The following RPLP2 variants were observed in gnomAD, a reference collection of about 807,000 sequenced individuals.
RPLP2 encodes the protein ribosomal protein lateral stalk subunit P2, also known as large ribosomal subunit protein P2.
A neutral mutation model predicts 11.5 loss-of-function variants in RPLP2; 1 was observed. The ratio of observed to expected loss-of-function variants is 0.09; its 90% CI spans 0.03 to 0.41. The LOEUF (loss-of-function observed/expected upper bound fraction) is 0.41, where lower values mean the gene tolerates loss of function less well. Ranked by LOEUF, RPLP2 falls within the 10% of genes least tolerant of loss-of-function variation. The pLI is 0.98. For missense variants in RPLP2, 177 were observed against 145.6 expected (o/e 1.22, Z -1.11); for synonymous variants, 82 against 55.9 (o/e 1.47, Z -2.08).
intron 1 of RPLP2, 67 bp from the exon 2 acceptor site, chr11:810,167 C>T: frequency 7.1e-7 from 1 of 1,399,722 alleles, no homozygotes; most frequent in Middle Eastern, 2.7e-4. Flanking sequence ...CGCCCGGCGG[C>T]CCCGGGATGG....
intron 4 of RPLP2, 52 bp from the exon 5 acceptor site, chr11:812,708 G>A: frequency 6.2e-7 from 1 of 1,613,174 alleles, no homozygotes; most frequent in Non-Finnish European, 8.5e-7. Flanking sequence ...TTCATGGGGG[G>A]ACTGGCCTGG....
intron 2 of RPLP2, 177 bp downstream of exon 2, chr11:810,534 C>T (rs949693444): frequency 3.6e-6 from 2 of 549,542 alleles, no homozygotes; most frequent in Non-Finnish European, 6.2e-6. Context: ...TGGCTCACGC[C>T]TGTAGTCCCA....
intron 1 of RPLP2, 44 bp from the exon 2 acceptor site, chr11:810,190 C>T: frequency 6.9e-7 from 1 of 1,453,384 alleles, no homozygotes; most frequent in Non-Finnish European, 9.1e-7. Context: ...CGGCAGGAGG[C>T]CGCCGGGGTA....
intron 2 of RPLP2, 46 bp downstream of exon 2, chr11:810,403 C>A: frequency 6.3e-7 from 1 of 1,575,364 alleles, no homozygotes; most frequent in Admixed American, 1.7e-5. Context: ...CCCCAGTGTC[C>A]CATACAGGCG....
intron 2 of RPLP2, among the ~76,000 whole-genome samples, chr11:810,958 C>A (rs1159972396): frequency 1.4e-5 from 2 of 147,200 alleles, no homozygotes; most frequent in Non-Finnish European, 3.0e-5. Context: ...ATTATTGGAG[C>A]CTTGAAGTTC....
intron 2 of RPLP2, chr11:811,327 G>A (rs1246363246): frequency 1.2e-5 from 6 of 515,694 alleles, no homozygotes; most frequent in Non-Finnish European, 2.1e-5. Context: ...AGTTTATTTT[G>A]CCAGTGTTGA....
At chr11:811,290 C>T (rs948062066) in intron 2 of RPLP2, 2 of 432,464 alleles carry the variant, frequency 4.6e-6, no homozygotes, top group Middle Eastern at 6.8e-4. Context: ...TGCACTCCAG[C>T]CTGAAGTCAA....
At chr11:812,247 A>T in intron 3 of RPLP2, 1 of 490,802 alleles carries the variant, frequency 2.0e-6, no homozygotes, top group South Asian at 2.1e-5. Context: ...AGTTATGAAC[A>T]TGTCTGTCCA....
At chr11:811,218 C>A (rs1866044354) in intron 2 of RPLP2, among the ~76,000 whole-genome samples, 1 of 152,060 alleles carries the variant, frequency 6.6e-6, no homozygotes, top group Non-Finnish European at 1.5e-5. Context: ...CCTGTAGTCC[C>A]AGACTGAGGT....
At chr11:811,015 A>G (rs1866028013) in intron 2 of RPLP2, among the ~76,000 whole-genome samples, 1 of 151,788 alleles carries the variant, frequency 6.6e-6, no homozygotes, top group East Asian at 1.9e-4. Flanking sequence ...CACAAAAAAA[A>G]AAAAAAAAAA....
intron 2 of RPLP2, among the ~76,000 whole-genome samples, chr11:811,136 C>T (rs1046924744): frequency 2.0e-5 from 3 of 152,014 alleles, no homozygotes; most frequent in South Asian, 2.1e-4. Flanking sequence ...GTGATTGTGC[C>T]ACTGCAGTCT....
At position 809,995 on chromosome 11, in the gene RPLP2, G is replaced by C. The variant is rs886349374; in HGVS notation, c.-46G>C. On this transcript the variant is annotated 5_prime_UTR_variant, in exon 1 of 5. Transcript: ENST00000321153. ...TTTCCTCCCTGTCGCCACCGAGGTCGCACGCGTGAGACTTCTCCGCCGCCT... is the reference window on the plus strand; with the variant it reads ...TTTCCTCCCTGTCGCCACCGAGGTCCCACGCGTGAGACTTCTCCGCCGCCT... 1 of 420,410 alleles carries C rather than the reference G, an allele frequency of 2.4e-6. No homozygotes were observed. The highest frequency in any genetic ancestry group is 4.1e-6 in the Non-Finnish European group (1 of 246,148). The allele number at this position is 420,410 out of a possible 1,614,324, so 26.0% of individuals were successfully genotyped here. A position where few individuals can be genotyped will look rare whatever the true frequency, so the allele number is the denominator to read the frequency against.
chr11:811,391 A>G (rs991375458), intron 2 of RPLP2: 8 of 605,192 alleles, frequency 1.3e-5, no homozygotes, highest in Non-Finnish European at 2.4e-5. Flanking sequence ...TCCTTTTGTC[A>G]GTCCTAAGTC....
chr11:812,376 C>A, intron 3 of RPLP2, 159 bp from the exon 4 acceptor site: 1 of 907,976 alleles, frequency 1.1e-6, no homozygotes, highest in Non-Finnish European at 1.7e-6. Context: ...TGAGGAGTGG[C>A]TCAGGGAGGG....
chr11:810,397 A>G (rs202225033), intron 2 of RPLP2, 40 bp downstream of exon 2: 293 of 1,589,696 alleles, frequency 1.8e-4, no homozygotes, highest in Non-Finnish European at 4.0e-5. Flanking sequence ...GTGGGGCCCC[A>G]GTGTCCCATA....
chr11:812,403 G>T, intron 3 of RPLP2, 132 bp from the exon 4 acceptor site: 3 of 1,180,584 alleles, frequency 2.5e-6, no homozygotes, highest in Non-Finnish European at 3.6e-6. Context: ...CAGGAAGAAC[G>T]GGAGACACTG....
At chr11:811,076 C>G (rs191326973) in intron 2 of RPLP2, among the ~76,000 whole-genome samples, 6 of 151,370 alleles carry the variant, frequency 4.0e-5, no homozygotes, top group African/African-American at 1.5e-4. Context: ...ACTCATGAGG[C>G]TGATGCGGGA....
intron 2 of RPLP2, chr11:810,584 A>G (rs1306312348): frequency 1.7e-5 from 7 of 401,828 alleles, no homozygotes; most frequent in Non-Finnish European, 2.2e-5. Context: ...ACCTGAGGTC[A>G]GGGGTTCGAG....
intron 3 of RPLP2, 102 bp downstream of exon 3, chr11:811,747 C>G: frequency 6.9e-7 from 1 of 1,440,174 alleles, no homozygotes; most frequent in Non-Finnish European, 9.8e-7. Context: ...CCAGAGCACC[C>G]TAGAAGCCTC....
Sources: allele counts gnomAD v4.1 joint callset (sites outside exome capture counted in the v4.1 genomes callset), GRCh38; gene constraint gnomAD v4.1.1; transcripts MANE v1.5; gene names NCBI Gene and HGNC (gene_info 2026-07-23, HGNC 2026-07-21).